The following ATP8A1 variants were observed in gnomAD, a reference collection of about 807,000 sequenced individuals.
ATP8A1 encodes phospholipid-transporting ATPase IA.
ATP8A1 carries 90 observed loss-of-function variants against 177.7 expected under a neutral mutation model. The observed-to-expected ratio is 0.51, with a 90% confidence interval of 0.43 to 0.60. The LOEUF is 0.60. ATP8A1 is among the 20% of genes least tolerant of loss of function. ATP8A1 has a pLI of 0.00. For synonymous variants in ATP8A1, 493 were observed against 485.9 expected (o/e 1.01, Z -0.19); for missense variants, 1,072 against 1,392.8 (o/e 0.77, Z 3.67).
chr4:42,465,217 A>C (rs1719607371), intron 25 of ATP8A1, 141 bp from the exon 26 acceptor site: 2 of 742,494 alleles, frequency 2.7e-6, no homozygotes, highest in Non-Finnish European at 4.3e-6. Context: ...TAGGTTTGCA[A>C]ATGTTTACTC....
At chr4:42,423,753 T>C (rs1235458880) in intron 33 of ATP8A1, 48 bp from the exon 34 acceptor site, 2 of 1,241,594 alleles carry the variant, frequency 1.6e-6, no homozygotes, top group Non-Finnish European at 1.2e-6. Flanking sequence ...AAAAAATACA[T>C]GATTTGTGTT....
At chr4:42,481,918 G>C (rs1411536962) in intron 25 of ATP8A1, among the ~76,000 whole-genome samples, 1 of 152,224 alleles carries the variant, frequency 6.6e-6, no homozygotes, top group Admixed American at 6.5e-5. Context: ...CTGGGAAAAT[G>C]AATCAGAAAC....
rs145562751 is a variant in ATP8A1 at position 42,462,369 on chromosome 4, C to G, written c.2619+2321G>C. Reference sequence around the variant, plus strand: ...ACTCGTGCTGTGTGCAGCCAAGAGACTTGGTGCTCTGCATCCCAGTTGCTC... The same window carrying G: ...ACTCGTGCTGTGTGCAGCCAAGAGAGTTGGTGCTCTGCATCCCAGTTGCTC... On this transcript the variant is annotated intron_variant, in intron 27 of 36. Coordinates refer to ENST00000381668, the MANE Select transcript of ATP8A1 (RefSeq NM_006095.2). Among the ~76,000 whole-genome samples, 6 of 152,320 alleles carry G rather than the reference C, an allele frequency of 3.9e-5. No homozygotes were observed. In the East Asian group the frequency reaches 1.2e-3, roughly 29 times the overall value.
At chr4:42,641,584 A>C (rs970152754) in intron 1 of ATP8A1, among the ~76,000 whole-genome samples, 5 of 152,188 alleles carry the variant, frequency 3.3e-5, no homozygotes, top group African/African-American at 7.2e-5. Context: ...CATTTTGTAC[A>C]TGGAAAAGAG....
chr4:42,490,727 A>G (rs1722664749), intron 24 of ATP8A1, among the ~76,000 whole-genome samples: 1 of 152,124 alleles, frequency 6.6e-6, no homozygotes, highest in Admixed American at 6.6e-5. Flanking sequence ...AAAAGGTCAC[A>G]ATTTTCTTAT....
chr4:42,625,565 C>A (rs767148627), intron 3 of ATP8A1, 49 bp downstream of exon 3: 2 of 1,324,976 alleles, frequency 1.5e-6, no homozygotes, highest in Admixed American at 4.0e-5. Flanking sequence ...ACGGGCTTAA[C>A]ATTTATTAGT....
At chr4:42,551,118 C>A in intron 18 of ATP8A1, 80 bp downstream of exon 18, 1 of 1,179,384 alleles carries the variant, frequency 8.5e-7, no homozygotes, top group Non-Finnish European at 1.3e-6. Context: ...TTACTATGAG[C>A]CTTTTGGTAT....
chr4:42,427,010 G>C (rs998456899), intron 33 of ATP8A1, among the ~76,000 whole-genome samples: 2 of 152,128 alleles, frequency 1.3e-5, no homozygotes, highest in Non-Finnish European at 2.9e-5. Flanking sequence ...TTTTGGAGGG[G>C]AGTGCAGTAA....
chr4:42,570,946 T>A (rs1731842490), intron 14 of ATP8A1, among the ~76,000 whole-genome samples: 1 of 152,226 alleles, frequency 6.6e-6, no homozygotes, highest in Non-Finnish European at 1.5e-5. Flanking sequence ...GATTACTTAA[T>A]TAGCATCCAC....
intron 33 of ATP8A1, among the ~76,000 whole-genome samples, chr4:42,435,007 T>C (rs1365832614): frequency 6.6e-6 from 1 of 152,190 alleles, no homozygotes; most frequent in Non-Finnish European, 1.5e-5. Flanking sequence ...TGCTGAAAAA[T>C]ATGCCATAAA....
At chr4:42,478,421 A>C (rs1721305294) in intron 25 of ATP8A1, among the ~76,000 whole-genome samples, 1 of 152,202 alleles carries the variant, frequency 6.6e-6, no homozygotes, top group African/African-American at 2.4e-5. Flanking sequence ...TCTTCAATTC[A>C]ATACACATAT....
At chr4:42,581,355 G>A (rs1391110796) in intron 10 of ATP8A1, among the ~76,000 whole-genome samples, 2 of 152,112 alleles carry the variant, frequency 1.3e-5, no homozygotes, top group South Asian at 2.1e-4. Context: ...GCATGATCTT[G>A]ATCTCCTGAC....
chr4:42,468,398 A>G (rs930693252), intron 25 of ATP8A1, among the ~76,000 whole-genome samples: 1 of 150,884 alleles, frequency 6.6e-6, no homozygotes, highest in Non-Finnish European at 1.5e-5. Context: ...GTGTGTGTAT[A>G]TATTTTATAT....
intron 11 of ATP8A1, among the ~76,000 whole-genome samples, chr4:42,579,429 A>C (rs1015306711): frequency 1.4e-5 from 2 of 148,146 alleles, no homozygotes; most frequent in Non-Finnish European, 3.0e-5. Context: ...ATTTATAAAT[A>C]CATACAATAT....
intron 28 of ATP8A1, 38 bp downstream of exon 28, chr4:42,455,487 T>G: frequency 6.2e-7 from 1 of 1,613,598 alleles, no homozygotes; most frequent in South Asian, 1.1e-5. Flanking sequence ...CTCCCAAGTA[T>G]TCAATGAAAC....
Position 42,581,739 on chromosome 4 carries a change from C to G in ATP8A1, c.723-7G>C, listed in dbSNP as rs1733099238. 6.2e-7 allele frequency: 1 copy of G among 1,602,090 alleles called. No individual in the cohort carries two copies. Among genetic ancestry groups the G allele is most frequent in the Non-Finnish European group, 8.5e-7 (1 of 1,169,922 alleles). On this transcript the variant is annotated splice_region_variant and splice_polypyrimidine_tract_variant and intron_variant, in intron 9 of 36. Transcript: ENST00000381668. ...TGCTCCCAGTGGAACGGTGCTAGGA[C>G]AGATTACGTTGACATTAGAAACAGT...
At chr4:42,596,064 CAA>C (rs1046501247) in intron 6 of ATP8A1, among the ~76,000 whole-genome samples, 71 of 152,318 alleles carry the variant, frequency 4.7e-4, no homozygotes, top group African/African-American at 1.7e-3. Context: ...ATCAATTTCT[CAA>C]AAGACATCCA....
intron 22 of ATP8A1, among the ~76,000 whole-genome samples, chr4:42,519,453 T>C (rs2153197710): frequency 6.6e-6 from 1 of 152,318 alleles, no homozygotes; most frequent in East Asian, 1.9e-4. Flanking sequence ...GGTAAAATAA[T>C]CCTTGGAGGC....
chr4:42,410,714 T>G lies in ATP8A1; in HGVS notation c.*2202A>C, dbSNP rs1479547488. The G allele has an allele frequency of 2.0e-5, 3 of 152,200 alleles. No individual in the cohort carries two copies. The East Asian group carries it at 5.8e-4, about 29-fold the overall frequency. 9.4% of individuals were successfully genotyped at this position (152,200 alleles called of 1,614,324 possible). A position where few individuals can be genotyped will look rare whatever the true frequency, so the allele number is the denominator to read the frequency against. The stretch of plus-strand genomic sequence containing the variant: ...GTTACACATTATCAACCGTAAGTAT[T>G]CTTCTCATGTTTAAGAGCTCCACAG... On this transcript the variant is annotated 3_prime_UTR_variant, in exon 37 of 37. Transcript: ENST00000381668.
Sources: gnomAD v4.1 joint callset for allele counts (sites outside exome capture counted in the v4.1 genomes callset) on GRCh38, gnomAD v4.1.1 for gene constraint, MANE v1.5 for transcripts, NCBI Gene and HGNC (gene_info 2026-07-23, HGNC 2026-07-21) for gene names.